TUNAR: variants seen among roughly 807,000 people sequenced by gnomAD.
TUNAR encodes the protein transmembrane neural differentiation associated intracellular calcium regulator.
At chr14:95,913,149 T>C (rs1889545404) in intron 2 of TUNAR, among the ~76,000 whole-genome samples, 1 of 151,058 alleles carries the variant, frequency 6.6e-6, no homozygotes. Flanking sequence ...TTCCTTTTTT[T>C]TTTTTTTTAA....
chr14:95,879,041 C>T (rs1233362629), intron 2 of TUNAR, among the ~76,000 whole-genome samples: 2 of 152,050 alleles, frequency 1.3e-5, no homozygotes, highest in African/African-American at 2.4e-5. Context: ...ATTAGCGATG[C>T]GTGGAGCCGG....
chr14:95,903,213 C>A (rs1376867258), intron 2 of TUNAR, among the ~76,000 whole-genome samples: 2 of 152,194 alleles, frequency 1.3e-5, no homozygotes, highest in Non-Finnish European at 2.9e-5. Context: ...TCCACTTTGC[C>A]CATTTATAAA....
chr14:95,908,038 C>T (rs1298154400), intron 2 of TUNAR, among the ~76,000 whole-genome samples: 6 of 152,206 alleles, frequency 3.9e-5, no homozygotes, highest in African/African-American at 1.4e-4. Context: ...GTTTGATCTG[C>T]AGGACTGGCA....
At chr14:95,882,044 T>C (rs1888988120) in intron 2 of TUNAR, among the ~76,000 whole-genome samples, 1 of 152,214 alleles carries the variant, frequency 6.6e-6, no homozygotes, top group African/African-American at 2.4e-5. Flanking sequence ...AGTTTGTTGA[T>C]AGGTGATGAG....
chr14:95,885,522 G>A (rs774481611), intron 2 of TUNAR, among the ~76,000 whole-genome samples: 3 of 152,186 alleles, frequency 2.0e-5, no homozygotes, highest in Non-Finnish European at 4.4e-5. Context: ...GCAGAGTTGA[G>A]CGGGAAAGGC....
At chr14:95,905,302 T>C (rs558267343) in intron 2 of TUNAR, among the ~76,000 whole-genome samples, 1 of 152,278 alleles carries the variant, frequency 6.6e-6, no homozygotes, top group South Asian at 2.1e-4. Flanking sequence ...TGTCCTTCCA[T>C]CCAGGATCCC....
chr14:95,913,341 C>T (rs939627192), intron 2 of TUNAR, among the ~76,000 whole-genome samples: 8 of 152,132 alleles, frequency 5.3e-5, no homozygotes, highest in Admixed American at 1.3e-4. Context: ...CGACAGGCTC[C>T]GGTGTGTGAT....
intron 2 of TUNAR, among the ~76,000 whole-genome samples, chr14:95,906,625 A>G (rs1403340257): frequency 6.6e-6 from 1 of 152,156 alleles, no homozygotes; most frequent in Non-Finnish European, 1.5e-5. Context: ...TGTTTTCCAA[A>G]ATTACTTAGG....
chr14:95,893,182 CA>C (rs1427422673), intron 2 of TUNAR, among the ~76,000 whole-genome samples: 1 of 152,046 alleles, frequency 6.6e-6, no homozygotes, highest in East Asian at 1.9e-4. Context: ...AGTGGAAACC[CA>C]AGCAGTTGGG....
intron 2 of TUNAR, among the ~76,000 whole-genome samples, chr14:95,907,690 G>C (rs140984126): frequency 1.3e-5 from 2 of 152,274 alleles, no homozygotes; most frequent in South Asian, 4.2e-4. Flanking sequence ...CCCATTGAGC[G>C]TACAGCTCTC....
chr14:95,911,325 A>G lies in TUNAR; in HGVS notation c.13-11456A>G, dbSNP rs187130282. 1.4e-4 allele frequency among the ~76,000 whole-genome samples: 21 copies of G among 152,096 alleles called. No individual in the cohort carries two copies. The East Asian group carries it at 3.9e-3, about 28-fold the overall frequency. ...ACTGGCCTTTGATGTCTCAGCTCAG[A>G]CCTCCTATCTTGTGGAGACAGTTCA... is the stretch of plus-strand genomic sequence containing the variant. On this transcript the variant is annotated intron_variant, in intron 2 of 2. Transcript: ENST00000678517.
chr14:95,896,154 T>TG (rs1221156574), intron 2 of TUNAR, among the ~76,000 whole-genome samples: 1 of 152,202 alleles, frequency 6.6e-6, no homozygotes, highest in African/African-American at 2.4e-5. Context: ...CCCACTCCTG[T>TG]GCACCTCTCA....
intron 2 of TUNAR, among the ~76,000 whole-genome samples, chr14:95,888,814 G>C (rs903183331): frequency 3.9e-5 from 6 of 152,070 alleles, no homozygotes; most frequent in Admixed American, 3.3e-4. Context: ...GGATGGGGGG[G>C]GCAGTTAGAC....
chr14:95,910,616 T>C (rs1889498104), intron 2 of TUNAR, among the ~76,000 whole-genome samples: 1 of 152,258 alleles, frequency 6.6e-6, no homozygotes, highest in Non-Finnish European at 1.5e-5. Flanking sequence ...GCTTTACAGA[T>C]ATTTTATCTC....
chr14:95,881,426 C>T (rs539414219), intron 2 of TUNAR, among the ~76,000 whole-genome samples: 16 of 152,284 alleles, frequency 1.1e-4, no homozygotes, highest in South Asian at 4.2e-4. Flanking sequence ...GAGGAGTTGT[C>T]GCTAGGCTGC....
intron 2 of TUNAR, among the ~76,000 whole-genome samples, chr14:95,919,689 G>A (rs1035253908): frequency 4.6e-5 from 7 of 151,970 alleles, no homozygotes; most frequent in Non-Finnish European, 2.9e-5. Flanking sequence ...CTCCAGCCTG[G>A]GCAAAAGAAC....
intron 2 of TUNAR, among the ~76,000 whole-genome samples, chr14:95,894,492 G>T (rs113868054): frequency 2.6e-5 from 4 of 152,306 alleles, no homozygotes; most frequent in African/African-American, 9.6e-5. Flanking sequence ...CACACGTGAG[G>T]ATCAGGATTT....
chr14:95,881,362 C>A (rs954286782), intron 2 of TUNAR, among the ~76,000 whole-genome samples: 11 of 152,220 alleles, frequency 7.2e-5, no homozygotes, highest in Non-Finnish European at 1.0e-4. Context: ...CCACATTCAT[C>A]CCCCTGGGGT....
At position 95,911,381 on chromosome 14, in the gene TUNAR, C is replaced by T. The variant is rs535797045; in HGVS notation, c.13-11400C>T. Among the ~76,000 whole-genome samples the T allele has an allele frequency of 3.3e-5, 5 of 152,364 alleles. No homozygotes were observed. The East Asian group carries it at 9.6e-4, about 29-fold the overall frequency. Reference sequence around the variant, plus strand: ...TGCCCTCTCTGCAGTGCCCTGGGCCCTCATCACCATAGTGATCAATTTGTG... The same window carrying T: ...TGCCCTCTCTGCAGTGCCCTGGGCCTTCATCACCATAGTGATCAATTTGTG... On this transcript the variant is annotated intron_variant, in intron 2 of 2. Transcript: ENST00000678517.
Sources: allele counts gnomAD v4.1 joint callset (sites outside exome capture counted in the v4.1 genomes callset), GRCh38; gene constraint gnomAD v4.1.1; transcripts MANE v1.5; gene names NCBI Gene and HGNC (gene_info 2026-07-23, HGNC 2026-07-21).